Variants in NHS observed in about 807,000 individuals in gnomAD.
NHS encodes actin remodeling regulator NHS.
NHS carries 5 observed loss-of-function variants against 72.5 expected under a neutral mutation model. The observed-to-expected ratio is 0.07, with a 90% CI of 0.04 to 0.14. NHS has a LOEUF of 0.14. Ranked by LOEUF, NHS falls within the 10% of genes least tolerant of loss-of-function variation. The pLI is 1.00. For missense variants in NHS, 1,072 were observed against 1,355.7 expected, an observed-to-expected ratio of 0.79 and a Z score of 3.29; for synonymous variants, 464 against 547.7, an observed-to-expected ratio of 0.85 and a Z score of 2.13.
intron 1 of NHS, among the ~76,000 whole-genome samples, chrX:17,424,317 C>T (rs113463070): frequency 0.034 from 3,811 of 112,230 alleles, 167 homozygotes; most frequent in African/African-American, 0.12. Context: ...GCTGTCATGT[C>T]TTCTGATCAT....
chrX:17,384,722 G>GT (rs1160965421), intron 1 of NHS, among the ~76,000 whole-genome samples: 2 of 112,084 alleles, frequency 1.8e-5, no homozygotes, highest in Admixed American at 9.5e-5. Flanking sequence ...CTCTCCTATT[G>GT]TCCCATGTTA....
At chrX:17,443,377 C>T (rs1177860161) in intron 1 of NHS, among the ~76,000 whole-genome samples, 2 of 111,785 alleles carry the variant, frequency 1.8e-5, no homozygotes, top group African/African-American at 6.5e-5. Flanking sequence ...GGTCTTAGGA[C>T]GGCCACCTGG....
intron 1 of NHS, among the ~76,000 whole-genome samples, chrX:17,381,489 C>T (rs888481397): frequency 8.9e-6 from 1 of 111,761 alleles, no homozygotes; most frequent in Non-Finnish European, 1.9e-5. Flanking sequence ...TAACAACTCT[C>T]CCAATTTCTA....
At chrX:17,545,779 G>T (rs1373769780) in intron 1 of NHS, among the ~76,000 whole-genome samples, 1 of 111,988 alleles carries the variant, frequency 8.9e-6, no homozygotes, top group African/African-American at 3.2e-5. Flanking sequence ...CCAAGCGGAG[G>T]TCACTGTGCC....
At chrX:17,436,619 A>G (rs1405790885) in intron 1 of NHS, among the ~76,000 whole-genome samples, 2 of 109,734 alleles carry the variant, frequency 1.8e-5, no homozygotes, top group Non-Finnish European at 1.9e-5. Context: ...GGCTAAAAAA[A>G]AAAAAAAAAG....
chrX:17,426,112 A>G (rs932797854), intron 1 of NHS, among the ~76,000 whole-genome samples: 1 of 112,250 alleles, frequency 8.9e-6, no homozygotes, highest in African/African-American at 3.2e-5. Flanking sequence ...TCAGCTCACA[A>G]GAGCTGATTG....
intron 1 of NHS, among the ~76,000 whole-genome samples, chrX:17,535,332 T>G (rs931126316): frequency 9.0e-6 from 1 of 111,511 alleles, no homozygotes; most frequent in Non-Finnish European, 1.9e-5. Context: ...CCAGGTCATC[T>G]AGAATCTCTG....
intron 1 of NHS, among the ~76,000 whole-genome samples, chrX:17,526,845 A>G (rs1345147040): frequency 8.9e-6 from 1 of 112,627 alleles, no homozygotes; most frequent in Non-Finnish European, 1.9e-5. Flanking sequence ...TAAGAGCTCT[A>G]TAAATGTTGC....
chrX:17,703,574 G>A (rs1039139702), intron 3 of NHS, among the ~76,000 whole-genome samples: 9 of 111,957 alleles, frequency 8.0e-5, no homozygotes, highest in African/African-American at 2.9e-4. Context: ...GTTTCTAAGG[G>A]ATTAACAGTG....
intron 1 of NHS, among the ~76,000 whole-genome samples, chrX:17,671,065 G>A (rs1342682938): frequency 9.0e-6 from 1 of 111,673 alleles, no homozygotes; most frequent in Non-Finnish European, 1.9e-5. Context: ...ATCTGAGCAT[G>A]GGCTGGGCCA....
chrX:17,525,638 CTTTTTTTTTTT>C (rs1162709869), intron 1 of NHS, among the ~76,000 whole-genome samples: 1 of 53,061 alleles, frequency 1.9e-5, no homozygotes, highest in African/African-American at 7.6e-5. Context: ...TCTTTCTTTT[CTTTTTTTTTTT>C]TTTTTTTTTT....
intron 1 of NHS, among the ~76,000 whole-genome samples, chrX:17,517,068 A>T (rs1199165289): frequency 8.9e-6 from 1 of 112,201 alleles, no homozygotes; most frequent in Admixed American, 9.5e-5. Flanking sequence ...GAACACTCAG[A>T]CCAACAGGAA....
At chrX:17,465,445 T>C (rs183636254) in intron 1 of NHS, among the ~76,000 whole-genome samples, 2 of 111,480 alleles carry the variant, frequency 1.8e-5, no homozygotes, top group African/African-American at 6.5e-5. Flanking sequence ...CCCTTGTTGG[T>C]GCAGGGCTCA....
At chrX:17,542,614 A>C (rs16980617) in intron 1 of NHS, among the ~76,000 whole-genome samples, 1 of 112,234 alleles carries the variant, frequency 8.9e-6, no homozygotes, top group Admixed American at 9.4e-5. Flanking sequence ...TATTATTCAC[A>C]TGTCTGAATC....
chrX:17,470,793 A>G (rs1215980223), intron 1 of NHS, among the ~76,000 whole-genome samples: 2 of 111,012 alleles, frequency 1.8e-5, no homozygotes, highest in Non-Finnish European at 3.8e-5. Context: ...TTACCTCCCT[A>G]TCTAAAATGA....
intron 1 of NHS, among the ~76,000 whole-genome samples, chrX:17,440,834 G>A (rs770874227): frequency 1.8e-5 from 2 of 111,654 alleles, no homozygotes; most frequent in African/African-American, 3.3e-5. Flanking sequence ...TCTAGCTGCC[G>A]TTTGCAGTTT....
chrX:17,527,873 G>T (rs1380965090), intron 1 of NHS, among the ~76,000 whole-genome samples: 1 of 107,390 alleles, frequency 9.3e-6, no homozygotes, highest in Non-Finnish European at 1.9e-5. Context: ...CCTTCAAAGG[G>T]ACCCATAATC....
At chrX:17,481,582 C>T (rs1478041344) in intron 1 of NHS, among the ~76,000 whole-genome samples, 1 of 108,241 alleles carries the variant, frequency 9.2e-6, no homozygotes, top group African/African-American at 3.3e-5. Context: ...TTTTCCTCAA[C>T]ATGGAATTTG....
At chrX:17,408,685 C>G (rs2064541631) in intron 1 of NHS, among the ~76,000 whole-genome samples, 1 of 111,375 alleles carries the variant, frequency 9.0e-6, no homozygotes, top group Non-Finnish European at 1.9e-5. Flanking sequence ...AATTTTTTTT[C>G]CAAGTAATTA....
Sources: gnomAD v4.1 joint callset for allele counts (sites outside exome capture counted in the v4.1 genomes callset) on GRCh38, gnomAD v4.1.1 for gene constraint, MANE v1.5 for transcripts, NCBI Gene and HGNC (gene_info 2026-07-23, HGNC 2026-07-21) for gene names.